Variants in LMF1 observed in about 807,000 individuals in gnomAD.
The protein encoded by LMF1 is transmembrane protein 112.
In LMF1, 68 loss-of-function variants were observed where a neutral mutation model predicts 60.6. The ratio of observed to expected loss-of-function variants is 1.12; its 90% CI spans 0.92 to 1.37. The LOEUF is 1.37. LMF1 is among the 40% of genes most tolerant of loss of function. LMF1 has a pLI of 0.00. For synonymous variants in LMF1, 418 were observed against 324.7 expected (o/e 1.29, Z -3.09); for missense variants, 948 against 767.2 (o/e 1.24, Z -2.78).
chr16:954,621 C>T lies in LMF1; in HGVS notation c.239G>A (p.Gly80Asp). Residue 80 changes from glycine (G) to aspartate (D), a missense_variant, in exon 2 of 11, where the codon GGT becomes GAT. Coordinates refer to ENST00000262301, the MANE Select transcript of LMF1 (RefSeq NM_022773.4). ...VAFHQNKQLI[G>D]DRGLLPCRVF... ...TCTGCAGGGAAGCAGCCCCCTGTCACCGATGAGCTGCTTGTTCTGATGGAA... is the reference window on the plus strand; with the variant it reads ...TCTGCAGGGAAGCAGCCCCCTGTCATCGATGAGCTGCTTGTTCTGATGGAA... 1 of 1,608,690 alleles carries T rather than the reference C, an allele frequency of 6.2e-7. No homozygotes were observed. Among genetic ancestry groups the T allele is most frequent in the East Asian group, 2.2e-5 (1 of 44,764 alleles).
chr16:880,823 C>A (rs553799782), intron 5 of LMF1, among the ~76,000 whole-genome samples: 5 of 152,236 alleles, frequency 3.3e-5, no homozygotes, highest in Non-Finnish European at 7.3e-5. Context: ...CTGTGTGAGT[C>A]GGTGAGCCCA....
At chr16:910,287 G>T (rs1326587045) in intron 4 of LMF1, among the ~76,000 whole-genome samples, 2 of 152,190 alleles carry the variant, frequency 1.3e-5, no homozygotes, top group Non-Finnish European at 2.9e-5. Flanking sequence ...CCCCTGGCTG[G>T]GCAGGAAGCA....
At chr16:921,591 G>C (rs941806360) in intron 3 of LMF1, among the ~76,000 whole-genome samples, 21 of 152,206 alleles carry the variant, frequency 1.4e-4, no homozygotes, top group Non-Finnish European at 3.1e-4. Context: ...GGACTTTCTG[G>C]GGTGACGGCC....
rs1450717611 is a variant in LMF1, at chr16:874,688, G to C, written c.898-3347C>G. Among the ~76,000 whole-genome samples, 1 of 152,102 alleles carries C rather than the reference G, an allele frequency of 6.6e-6. No homozygotes were observed. Among genetic ancestry groups the C allele is most frequent in the African/African-American group, 2.4e-5 (1 of 41,400 alleles). Reference sequence around the variant, plus strand: ...GAACCAGGACAGGCTCCGGGGGACGGTGCTCAGATGGGAACACACGGAACC... The same window carrying C: ...GAACCAGGACAGGCTCCGGGGGACGCTGCTCAGATGGGAACACACGGAACC... On this transcript the variant is annotated intron_variant, in intron 6 of 10. Transcript: ENST00000262301. This position sits in a 1 kb window ranked among gnomAD's most constrained non-coding sequence, Gnocchi z 4.1.
At chr16:975,713 G>A (rs1238545482), upstream of LMF1, 1 of 435,170 alleles carries the variant, frequency 2.3e-6, no homozygotes, top group Non-Finnish European at 4.6e-6. Flanking sequence ...TCTTAATTAA[G>A]CCTTCCTTCC....
intron 1 of LMF1, among the ~76,000 whole-genome samples, chr16:965,214 G>A (rs2072900277): frequency 6.6e-6 from 1 of 152,260 alleles, no homozygotes; most frequent in Non-Finnish European, 1.5e-5. Flanking sequence ...CGGAAGCCAT[G>A]TTCTTCTCCA....
intron 2 of LMF1, among the ~76,000 whole-genome samples, chr16:952,832 C>T (rs201562516): frequency 1.6e-5 from 2 of 128,596 alleles, no homozygotes; most frequent in African/African-American, 6.1e-5. Context: ...CCAAACCAGC[C>T]TCCTACACGT....
chr16:863,305 C>A (rs11860122), intron 10 of LMF1, among the ~76,000 whole-genome samples: 15,733 of 152,008 alleles, frequency 0.1, 2,572 homozygotes, highest in African/African-American at 0.35. Context: ...CACGCCCAGC[C>A]AAGTTTTTGT....
chr16:913,375 C>G (rs926399967), intron 3 of LMF1, among the ~76,000 whole-genome samples: 26 of 152,278 alleles, frequency 1.7e-4, no homozygotes, highest in Non-Finnish European at 2.9e-4. Context: ...ACAGCGTTGG[C>G]CCAATCAGCG....
chr16:937,983 G>A (rs906873884), intron 2 of LMF1, among the ~76,000 whole-genome samples: 6 of 151,940 alleles, frequency 3.9e-5, no homozygotes, highest in Admixed American at 6.6e-5. Flanking sequence ...CATCAAGACT[G>A]AAGTCTTTGT....
At chr16:977,373 C>T (rs1294723643) in intron 1 of LMF1, among the ~76,000 whole-genome samples, 3 of 152,196 alleles carry the variant, frequency 2.0e-5, no homozygotes, top group Non-Finnish European at 4.4e-5. Context: ...CCTCCTCTCC[C>T]CTGGAGACCC....
At chr16:947,545 C>T (rs1483314320) in intron 2 of LMF1, 9 of 455,978 alleles carry the variant, frequency 2.0e-5, no homozygotes, top group Middle Eastern at 6.5e-4. Context: ...AGCCACCATC[C>T]GTCCTGCCCA....
At chr16:858,535 C>T (rs1332767202) in intron 10 of LMF1, among the ~76,000 whole-genome samples, 1 of 23,278 alleles carries the variant, frequency 4.3e-5, no homozygotes, top group African/African-American at 2.4e-4. Context: ...TGTCTCGGGA[C>T]GGGTGTGCAG....
At chr16:931,630 C>G in intron 3 of LMF1, 1 of 1,286,104 alleles carries the variant, frequency 7.8e-7, no homozygotes, top group Non-Finnish European at 1.0e-6. Flanking sequence ...GGCCCAGCAC[C>G]CGGAGTCATA....
Position 878,204 on chromosome 16 carries a change from G to C in LMF1, c.897+1366C>G, listed in dbSNP as rs1220095618. Among the ~76,000 whole-genome samples, 1 of 152,196 alleles carries C rather than the reference G, an allele frequency of 6.6e-6. No homozygotes were observed. Among genetic ancestry groups the C allele is most frequent in the African/African-American group, 2.4e-5 (1 of 41,444 alleles). On this transcript the variant is annotated intron_variant, in intron 6 of 10. Coordinates refer to ENST00000262301, the MANE Select transcript of LMF1 (RefSeq NM_022773.4). The surrounding 1 kb of genome is among the most constrained non-coding windows in gnomAD (Gnocchi z 5.2). ...ATTCCAGGAGCCCTGAGCAGCTGCA[G>C]AGAGAAACGTGCGGTCCTGGCTGGG...
intron 6 of LMF1, 84 bp from the exon 7 acceptor site, chr16:871,425 A>T: frequency 9.6e-6 from 12 of 1,249,934 alleles, no homozygotes; most frequent in African/African-American, 1.5e-5. Flanking sequence ...TGGAGCAGGG[A>T]GGGGGGAGGG....
intron 4 of LMF1, among the ~76,000 whole-genome samples, chr16:909,680 C>T (rs2071058280): frequency 6.6e-6 from 1 of 152,222 alleles, no homozygotes; most frequent in Non-Finnish European, 1.5e-5. Context: ...GAGTCCGTGG[C>T]CAGTGCTGTC....
At position 924,337 on chromosome 16, in the gene LMF1, G is replaced by C. The variant is rs559697586; in HGVS notation, c.514+9907C>G. Among the ~76,000 whole-genome samples, 4 of 152,362 alleles carry C rather than the reference G, an allele frequency of 2.6e-5. No individual in the cohort carries two copies. The South Asian group carries it at 8.3e-4, about 32-fold the overall frequency. ...TGTCTGGAGAACAGCATGTGGCTGA[G>C]AAGTGGTACGGCAAGGGCTTCTGTT... On this transcript the variant is annotated intron_variant, in intron 3 of 10. Coordinates refer to ENST00000262301, the MANE Select transcript of LMF1 (RefSeq NM_022773.4).
At position 957,927 on chromosome 16, in the gene LMF1, G is replaced by A. The variant is rs576259534; in HGVS notation, c.194-3261C>T. ...GGAGGCTGAGGCAGGAGGATCGCTT[G>A]AGCCCAGGAATTCCAGAGCAGCCTG... On this transcript the variant is annotated intron_variant, in intron 1 of 10. Coordinates refer to ENST00000262301, the MANE Select transcript of LMF1 (RefSeq NM_022773.4). Among the ~76,000 whole-genome samples, 264 of 152,248 alleles carry A rather than the reference G, an allele frequency of 1.7e-3. 1 individual carries two copies. Among genetic ancestry groups the A allele is most frequent in the African/African-American group, 6.1e-3 (254 of 41,532 alleles).
Sources: allele counts gnomAD v4.1 joint callset (sites outside exome capture counted in the v4.1 genomes callset), GRCh38; gene constraint gnomAD v4.1.1; non-coding constraint Gnocchi (gnomAD v3.1); transcripts MANE v1.5; gene names NCBI Gene and HGNC (gene_info 2026-07-23, HGNC 2026-07-21).